IRAG2: variants seen among roughly 807,000 people sequenced by gnomAD.
IRAG2 encodes the protein inositol 1,4,5-triphosphate receptor associated 2.
In IRAG2, 45 loss-of-function variants were observed where a neutral mutation model predicts 69.9. That is an observed-to-expected ratio of 0.64 (90% confidence interval 0.51 to 0.83). The LOEUF (loss-of-function observed/expected upper bound fraction) is 0.83. Among genes scored for constraint, IRAG2 ranks in the 40% least tolerant of loss-of-function variants. The pLI, the probability that IRAG2 is intolerant of heterozygous loss-of-function variation, is 0.00. For synonymous variants in IRAG2, 193 were observed against 202.4 expected (o/e 0.95, Z 0.40); for missense variants, 520 against 587.0 (o/e 0.89, Z 1.18).
intron 1 of IRAG2, among the ~76,000 whole-genome samples, chr12:25,059,595 C>T (rs1185402268): frequency 6.6e-6 from 1 of 152,116 alleles, no homozygotes; most frequent in Non-Finnish European, 1.5e-5. Context: ...CTCAGGTGAC[C>T]CATCTGCCTC....
intron 17 of IRAG2, chr12:25,103,161 T>G (rs559341643): frequency 1.3e-5 from 2 of 152,322 alleles, no homozygotes; most frequent in African/African-American, 2.4e-5. Flanking sequence ...ATTTTAAAAA[T>G]TTATCCTGAT....
intron 4 of IRAG2, among the ~76,000 whole-genome samples, chr12:25,065,886 T>C (rs987605615): frequency 6.6e-6 from 1 of 152,096 alleles, no homozygotes; most frequent in Non-Finnish European, 1.5e-5. Flanking sequence ...CCCAGGCTGG[T>C]CTCAAACTCC....
chr12:25,037,872 A>G, intron 15 of IRAG2: 3 of 397,212 alleles, frequency 7.6e-6, no homozygotes, highest in Non-Finnish European at 1.3e-5. Flanking sequence ...GGCATCCAGT[A>G]TGCCATTGAG....
chr12:25,043,436 A>G (rs1944766659), intron 16 of IRAG2, among the ~76,000 whole-genome samples: 1 of 152,164 alleles, frequency 6.6e-6, no homozygotes, highest in African/African-American at 2.4e-5. Context: ...GAAAACGAAG[A>G]AGGTAGTTTG....
chr12:25,102,179 A>G lies in IRAG2; in HGVS notation c.890-19A>G. On this transcript the variant is annotated intron_variant, in intron 16 of 21. Transcript: ENST00000556887. The stretch of plus-strand genomic sequence containing the variant: ...GCATGTGTAATAGCTAAAATGTGTC[A>G]ATGTGTTTTTCCTTTCAGATGACTG... 1 of 1,608,966 alleles carries G rather than the reference A, an allele frequency of 6.2e-7. No homozygotes were observed. Among genetic ancestry groups the G allele is most frequent in the Non-Finnish European group, 8.5e-7 (1 of 1,175,792 alleles).
chr12:25,054,435 T>G (rs551912677), intron 1 of IRAG2, among the ~76,000 whole-genome samples: 1 of 152,336 alleles, frequency 6.6e-6, no homozygotes, highest in Non-Finnish European at 1.5e-5. Flanking sequence ...ACTAAGAATT[T>G]GTTCCCCTTC....
At chr12:25,091,874 TTTTCATGTGCTTGCTGGCCATTTG>T (rs1240178370) in intron 14 of IRAG2, among the ~76,000 whole-genome samples, 1 of 152,240 alleles carries the variant, frequency 6.6e-6, no homozygotes, top group Admixed American at 6.5e-5. Context: ...ATTGTGCATC[TTTTCATGTGCTTGCTGGCCATTTG>T]TACATCATCT....
At chr12:25,004,555 C>T in exon 1 of IRAG2, 1 of 1,232,118 alleles carries the variant, frequency 8.1e-7, no homozygotes, top group Non-Finnish European at 1.0e-6. Context: ...TGTTCCTACG[C>T]CCGGCTCTCA....
chr12:25,082,328 G>A lies in IRAG2; in HGVS notation c.245-1095G>A, dbSNP rs1173445015. 5.9e-5 allele frequency among the ~76,000 whole-genome samples: 9 copies of A among 152,092 alleles called. No individual in the cohort carries two copies. The South Asian group carries it at 1.2e-3, about 21-fold the overall frequency. ...AAAAACTAAAGTAAGGGCTAGGCACGGTGCACATGCCTATAATTCCAGCAC... is the reference window on the plus strand; with the variant it reads ...AAAAACTAAAGTAAGGGCTAGGCACAGTGCACATGCCTATAATTCCAGCAC... On this transcript the variant is annotated intron_variant, in intron 9 of 21. Coordinates refer to ENST00000556887, the MANE Select transcript of IRAG2 (RefSeq NM_001366544.2).
chr12:25,102,842 T>C (rs953739970), intron 17 of IRAG2: 26 of 152,282 alleles, frequency 1.7e-4, no homozygotes, highest in African/African-American at 5.8e-4. Context: ...AAGAATGTGA[T>C]ACTGAAGGTC....
At chr12:25,032,477 A>G (rs1394001456) in intron 12 of IRAG2, 2 of 397,822 alleles carry the variant, frequency 5.0e-6, no homozygotes, top group Non-Finnish European at 8.9e-6. Context: ...ATACGTTTGT[A>G]TGTGATATTT....
intron 14 of IRAG2, among the ~76,000 whole-genome samples, chr12:25,096,057 G>GC (rs1948396214): frequency 6.6e-6 from 1 of 152,178 alleles, no homozygotes; most frequent in Non-Finnish European, 1.5e-5. Flanking sequence ...TGTGCAACAG[G>GC]CAGTTGGCAT....
At chr12:25,040,669 G>C (rs1383797884) in intron 16 of IRAG2, among the ~76,000 whole-genome samples, 1 of 152,214 alleles carries the variant, frequency 6.6e-6, no homozygotes, top group African/African-American at 2.4e-5. Flanking sequence ...CCATTCTGCT[G>C]TGGGACAAAT....
At chr12:25,015,027 A>T (rs1944509990) in intron 3 of IRAG2, among the ~76,000 whole-genome samples, 1 of 144,504 alleles carries the variant, frequency 6.9e-6, no homozygotes. Context: ...TTGTTGAATG[A>T]ATATATATTT....
At chr12:25,083,715 C>T (rs1947377835) in intron 10 of IRAG2, among the ~76,000 whole-genome samples, 1 of 152,222 alleles carries the variant, frequency 6.6e-6, no homozygotes. Flanking sequence ...GATCTCCTAG[C>T]TCCACCTTAA....
At chr12:25,054,867 A>G (rs918116399) in intron 1 of IRAG2, among the ~76,000 whole-genome samples, 2 of 152,210 alleles carry the variant, frequency 1.3e-5, no homozygotes, top group African/African-American at 4.8e-5. Flanking sequence ...AAAATGTTCT[A>G]TATAGCAGAT....
chr12:25,045,187 T>C (rs999253632), intron 16 of IRAG2, among the ~76,000 whole-genome samples: 6 of 151,596 alleles, frequency 4.0e-5, no homozygotes, highest in Non-Finnish European at 8.8e-5. Context: ...ATAAAGAAAA[T>C]TAGACTTGAG....
chr12:25,041,575 G>A lies in IRAG2; in HGVS notation c.2144+3438G>A, dbSNP rs575926896. ...CAGCTCACTGGAACCTCCACCTCCC[G>A]GGTTCAACCTCCACCTCCCGAGTTC... On this transcript the variant is annotated intron_variant, in intron 16 of 38. Coordinates refer to the IRAG2 transcript ENST00000636465. Among the ~76,000 whole-genome samples, 20 of 151,862 alleles carry A rather than the reference G, an allele frequency of 1.3e-4. No individual in the cohort carries two copies. In the South Asian group the frequency reaches 1.5e-3, roughly 11 times the overall value.
intron 6 of IRAG2, among the ~76,000 whole-genome samples, chr12:25,019,382 T>C (rs1336782756): frequency 3.3e-5 from 5 of 152,042 alleles, no homozygotes; most frequent in Non-Finnish European, 4.4e-5. Context: ...GGAGATTGTA[T>C]CGAGTGGTGG....
Sources: gnomAD v4.1 joint callset for allele counts (sites outside exome capture counted in the v4.1 genomes callset) on GRCh38, gnomAD v4.1.1 for gene constraint, MANE v1.5 for transcripts, NCBI Gene and HGNC (gene_info 2026-07-23, HGNC 2026-07-21) for gene names.